Variants in TBL1X observed in about 807,000 individuals in gnomAD.
TBL1X encodes F-box-like/WD repeat-containing protein TBL1X.
In TBL1X, 10 loss-of-function variants were observed where a neutral mutation model predicts 50.7. The ratio of observed to expected loss-of-function variants is 0.20; its 90% CI spans 0.12 to 0.33. The LOEUF is 0.33. TBL1X is among the 10% of genes least tolerant of loss of function. TBL1X has a pLI of 1.00. For missense variants in TBL1X, 340 were observed against 504.4 expected, an observed-to-expected ratio of 0.67 and a Z score of 3.12; for synonymous variants, 190 against 214.7, an observed-to-expected ratio of 0.88 and a Z score of 1.01.
intron 2 of TBL1X, among the ~76,000 whole-genome samples, chrX:9,515,771 A>G (rs1243586068): frequency 8.9e-6 from 1 of 112,024 alleles, no homozygotes. Context: ...CAACATTTAT[A>G]GAGGCTTTTG....
intron 2 of TBL1X, among the ~76,000 whole-genome samples, chrX:9,527,048 C>T (rs965772906): frequency 8.9e-6 from 1 of 112,022 alleles, no homozygotes. Context: ...ATGAGCCAGG[C>T]GTGGGCAGGG....
intron 2 of TBL1X, among the ~76,000 whole-genome samples, chrX:9,552,209 T>G (rs1031470445): frequency 9.0e-6 from 1 of 111,052 alleles, no homozygotes; most frequent in Non-Finnish European, 1.9e-5. Flanking sequence ...GGAATTGAGG[T>G]GGCCGCGTAG....
At position 9,714,946 on chromosome X, in the gene TBL1X, C is replaced by T. The variant is rs1294110773; in HGVS notation, c.1650C>T (p.Phe550=). The part of the protein sequence containing the change: ...VHSYRGTGGI[F]EVCWNARGDK... ...GCTACCGAGGCACTGGCGGCATCTTCGAGGTGTGCTGGAACGCCCGAGGAG... is the reference window on the plus strand; with the variant it reads ...GCTACCGAGGCACTGGCGGCATCTTTGAGGTGTGCTGGAACGCCCGAGGAG... The change falls in exon 17 of 18, where the codon TTC becomes TTT. Residue 550 remains phenylalanine, a synonymous_variant. Coordinates refer to ENST00000645353, the MANE Select transcript of TBL1X (RefSeq NM_005647.4). 2.5e-6 allele frequency: 3 copies of T among 1,211,932 alleles called. No individual in the cohort carries two copies. The highest frequency in any genetic ancestry group is 4.6e-4 in the Middle Eastern group (2 of 4,352).
intron 2 of TBL1X, among the ~76,000 whole-genome samples, chrX:9,548,882 G>A (rs1456139735): frequency 2.7e-5 from 3 of 112,976 alleles, no homozygotes; most frequent in Non-Finnish European, 3.7e-5. Context: ...TTTATGTTGT[G>A]TGCAACACAG....
chrX:9,605,392 G>A (rs1263347737), intron 2 of TBL1X, among the ~76,000 whole-genome samples: 1 of 112,399 alleles, frequency 8.9e-6, no homozygotes, highest in East Asian at 2.8e-4. Flanking sequence ...GATAATACAA[G>A]TAGTTTAAAG....
intron 5 of TBL1X, among the ~76,000 whole-genome samples, chrX:9,661,524 G>GA (rs367749216): frequency 3.6e-4 from 39 of 109,500 alleles, no homozygotes; most frequent in African/African-American, 1.1e-3. Flanking sequence ...GACCCTGTCT[G>GA]AAAAAAAAAG....
rs1305011640 is a variant in TBL1X at position 9,585,977 on chromosome X, CA to C, written c.-130-54289del. 1.2e-4 allele frequency among the ~76,000 whole-genome samples: 13 copies of C among 111,508 alleles called. No homozygotes were observed. The East Asian group carries it at 3.7e-3, about 31-fold the overall frequency. On this transcript the variant is annotated intron_variant, in intron 2 of 17. Transcript: ENST00000645353. ...ATTAATGTGGGTACCATCAAAAAAA[CA>C]AAAAAACCAACCCAAAAAATAGTAA...
intron 2 of TBL1X, among the ~76,000 whole-genome samples, chrX:9,576,399 A>G (rs5979121): frequency 0.04 from 4,540 of 112,301 alleles, 211 homozygotes; most frequent in African/African-American, 0.14. Context: ...ATCGGGAGAG[A>G]TTGACCTGAG....
intron 2 of TBL1X, among the ~76,000 whole-genome samples, chrX:9,503,347 G>A (rs1331468034): frequency 8.9e-6 from 1 of 112,955 alleles, no homozygotes; most frequent in Non-Finnish European, 1.9e-5. Context: ...CCAGGGCCTC[G>A]TGTCCCAGCC....
At chrX:9,613,985 C>CAAAAAA (rs34481376) in intron 2 of TBL1X, among the ~76,000 whole-genome samples, 4 of 49,957 alleles carry the variant, frequency 8.0e-5, no homozygotes, top group Non-Finnish European at 1.1e-4. Context: ...GACTCCATCT[C>CAAAAAA]AAAAAAAAAA....
intron 2 of TBL1X, among the ~76,000 whole-genome samples, chrX:9,553,438 A>C (rs1228309529): frequency 8.9e-6 from 1 of 111,851 alleles, no homozygotes; most frequent in African/African-American, 3.3e-5. Flanking sequence ...AACCTAAGAG[A>C]GTGTGTCTGT....
chrX:9,490,648 C>G (rs533601780), intron 1 of TBL1X, among the ~76,000 whole-genome samples: 1 of 112,098 alleles, frequency 8.9e-6, no homozygotes, highest in Non-Finnish European at 1.9e-5. Context: ...TAAGTAGACA[C>G]GGACACATCT....
chrX:9,579,680 G>C (rs1228131433), intron 2 of TBL1X, among the ~76,000 whole-genome samples: 1 of 111,652 alleles, frequency 9.0e-6, no homozygotes, highest in Non-Finnish European at 1.9e-5. Flanking sequence ...AACATCCTTT[G>C]TTTCCATCGG....
chrX:9,585,238 C>T (rs1460865105), intron 2 of TBL1X, among the ~76,000 whole-genome samples: 1 of 110,754 alleles, frequency 9.0e-6, no homozygotes, highest in African/African-American at 3.3e-5. Context: ...CAGAGACAGA[C>T]AGTTCCCAGG....
At chrX:9,563,557 C>T (rs1357768002) in intron 2 of TBL1X, among the ~76,000 whole-genome samples, 2 of 112,503 alleles carry the variant, frequency 1.8e-5, no homozygotes, top group African/African-American at 6.5e-5. Context: ...AAATTTTTGG[C>T]ATAGTCTTTG....
intron 3 of TBL1X, among the ~76,000 whole-genome samples, chrX:9,648,668 A>G (rs749746162): frequency 2.2e-3 from 246 of 112,226 alleles, no homozygotes; most frequent in African/African-American, 7.5e-3. Flanking sequence ...GCCTTAGGAA[A>G]TGTCGCCCAG....
rs1427420931 is a variant in TBL1X, at chrX:9,526,078, T to C, written c.-131+24229T>C. Among the ~76,000 whole-genome samples, 3 of 102,429 alleles carry C rather than the reference T, an allele frequency of 2.9e-5. No homozygotes were observed. The East Asian group carries it at 9.1e-4, about 31-fold the overall frequency. 88.9% of individuals were successfully genotyped at this position (102,429 alleles called of 115,157 possible). A position where few individuals can be genotyped will look rare whatever the true frequency, so the allele number is the denominator to read the frequency against. ...ATAGTTCAAGATGAAGGGGTCTGTGTGAGAGAGAGAACGTCTGTGCATGTG... is the reference window on the plus strand; with the variant it reads ...ATAGTTCAAGATGAAGGGGTCTGTGCGAGAGAGAGAACGTCTGTGCATGTG... On this transcript the variant is annotated intron_variant, in intron 2 of 17. Transcript: ENST00000645353.
chrX:9,652,313 A>G (rs2082839854), intron 3 of TBL1X, among the ~76,000 whole-genome samples: 1 of 112,207 alleles, frequency 8.9e-6, no homozygotes, highest in African/African-American at 3.2e-5. Context: ...GATCTTGCCC[A>G]TACTCAAGGG....
At chrX:9,464,324 A>G (rs1476824998), upstream of TBL1X, among the ~76,000 whole-genome samples, 3 of 110,775 alleles carry the variant, frequency 2.7e-5, no homozygotes, top group Admixed American at 9.5e-5. Flanking sequence ...GGTCCCCCCA[A>G]CCTCCTCAGC....
Sources: gnomAD v4.1 joint callset for allele counts (sites outside exome capture counted in the v4.1 genomes callset) on GRCh38, gnomAD v4.1.1 for gene constraint, MANE v1.5 for transcripts, NCBI Gene and HGNC (gene_info 2026-07-23, HGNC 2026-07-21) for gene names.